Variants in PDZRN4 observed in about 807,000 individuals in gnomAD.
The protein encoded by PDZRN4 is PDZ domain-containing RING finger protein 4.
In PDZRN4, 70 loss-of-function variants were observed where a neutral mutation model predicts 99.0. The ratio of observed to expected loss-of-function variants is 0.71; its 90% CI spans 0.58 to 0.86. PDZRN4 has a LOEUF of 0.86. PDZRN4 is among the 40% of genes least tolerant of loss of function. The pLI, the probability that PDZRN4 is intolerant of heterozygous loss-of-function variation, is 0.00. For missense variants in PDZRN4, 1,474 were observed against 1,331.2 expected (o/e 1.11, Z -1.67); for synonymous variants, 551 against 501.6 (o/e 1.10, Z -1.32).
chr12:41,213,289 G>A (rs957171964), intron 3 of PDZRN4, among the ~76,000 whole-genome samples: 2 of 152,076 alleles, frequency 1.3e-5, no homozygotes, highest in African/African-American at 4.8e-5. Context: ...TAGTCAGCCA[G>A]TGCAGTAGTT....
chr12:41,514,795 T>C (rs554332511), intron 5 of PDZRN4, among the ~76,000 whole-genome samples: 9 of 152,192 alleles, frequency 5.9e-5, no homozygotes, highest in African/African-American at 2.2e-4. Flanking sequence ...CCAGCAGGTA[T>C]TTGTTCTTGG....
intron 3 of PDZRN4, among the ~76,000 whole-genome samples, chr12:41,466,795 G>C (rs1369228985): frequency 2.7e-5 from 1 of 37,288 alleles, no homozygotes; most frequent in African/African-American, 1.2e-4. Context: ...CTTTTGCTTT[G>C]TTTCCAGATG....
chr12:41,312,266 GAAA>G (rs200590034), intron 3 of PDZRN4, among the ~76,000 whole-genome samples: 1 of 143,644 alleles, frequency 7.0e-6, no homozygotes, highest in African/African-American at 2.5e-5. Flanking sequence ...TTATGGGGAA[GAAA>G]AAAAAAAACA....
chr12:41,310,010 G>T (rs1951596169), intron 3 of PDZRN4, among the ~76,000 whole-genome samples: 1 of 151,876 alleles, frequency 6.6e-6, no homozygotes, highest in Non-Finnish European at 1.5e-5. Context: ...TCAGCTCACT[G>T]CAACCTCTGT....
intron 5 of PDZRN4, among the ~76,000 whole-genome samples, chr12:41,528,351 T>C (rs1938605465): frequency 6.6e-6 from 1 of 152,212 alleles, no homozygotes; most frequent in African/African-American, 2.4e-5. Context: ...CTCCAGGGCT[T>C]ATGTGAAGTC....
At chr12:41,571,706 C>A (rs968119948) in intron 9 of PDZRN4, among the ~76,000 whole-genome samples, 1 of 152,106 alleles carries the variant, frequency 6.6e-6, no homozygotes, top group African/African-American at 2.4e-5. Flanking sequence ...ATAAGAAATT[C>A]TGGCACTGGA....
intron 3 of PDZRN4, among the ~76,000 whole-genome samples, chr12:41,378,290 GT>G (rs760199217): frequency 1.3e-5 from 2 of 152,012 alleles, no homozygotes; most frequent in Non-Finnish European, 2.9e-5. Flanking sequence ...TTATTGACTT[GT>G]TTATGCTGAA....
intron 3 of PDZRN4, among the ~76,000 whole-genome samples, chr12:41,344,379 A>C (rs539197648): frequency 1.3e-5 from 2 of 152,054 alleles, no homozygotes; most frequent in East Asian, 3.9e-4. Context: ...AACTGATTTC[A>C]TTGTGCCTCA....
At chr12:41,324,374 T>C (rs1951697521) in intron 3 of PDZRN4, among the ~76,000 whole-genome samples, 2 of 152,148 alleles carry the variant, frequency 1.3e-5, no homozygotes, top group South Asian at 4.1e-4. Context: ...GTTCAGCTTG[T>C]TGAGCTATTG....
At chr12:41,502,726 T>C (rs1565600103) in intron 3 of PDZRN4, among the ~76,000 whole-genome samples, 1 of 151,746 alleles carries the variant, frequency 6.6e-6, no homozygotes, top group Non-Finnish European at 1.5e-5. Context: ...CTATATGTCA[T>C]CCGTACAAGA....
chr12:41,249,972 A>G (rs1951157491), intron 3 of PDZRN4, among the ~76,000 whole-genome samples: 1 of 152,206 alleles, frequency 6.6e-6, no homozygotes, highest in Non-Finnish European at 1.5e-5. Flanking sequence ...TTCTCCAGGA[A>G]GCATAGTCGT....
intron 3 of PDZRN4, among the ~76,000 whole-genome samples, chr12:41,361,707 G>A (rs948795401): frequency 6.6e-6 from 1 of 152,044 alleles, no homozygotes; most frequent in Admixed American, 6.6e-5. Flanking sequence ...GTCAGATAAA[G>A]GTGAAGCTTT....
At chr12:41,458,483 A>G (rs1486869047) in intron 3 of PDZRN4, among the ~76,000 whole-genome samples, 2 of 152,214 alleles carry the variant, frequency 1.3e-5, no homozygotes, top group Non-Finnish European at 2.9e-5. Context: ...GGTAGTTAGA[A>G]ATCTTCAAAT....
chr12:41,351,940 T>G (rs1951892844), intron 3 of PDZRN4, among the ~76,000 whole-genome samples: 1 of 149,070 alleles, frequency 6.7e-6, no homozygotes, highest in Non-Finnish European at 1.5e-5. Context: ...AGCTCAGGAG[T>G]GTGAGATCAG....
intron 3 of PDZRN4, among the ~76,000 whole-genome samples, chr12:41,475,682 A>G (rs1953035650): frequency 6.6e-6 from 1 of 152,228 alleles, no homozygotes; most frequent in African/African-American, 2.4e-5. Flanking sequence ...GCATAATATT[A>G]GCGCTCAAAT....
At chr12:41,195,543 C>T (rs1950765371) in intron 3 of PDZRN4, among the ~76,000 whole-genome samples, 1 of 151,448 alleles carries the variant, frequency 6.6e-6, no homozygotes, top group African/African-American at 2.4e-5. Context: ...GAAAAAAGAA[C>T]ACAACATTTA....
intron 3 of PDZRN4, among the ~76,000 whole-genome samples, chr12:41,364,581 C>T (rs920893099): frequency 2.0e-5 from 3 of 152,076 alleles, no homozygotes; most frequent in African/African-American, 4.8e-5. Context: ...TTTTGAGCAT[C>T]TCTAACAGCT....
intron 3 of PDZRN4, among the ~76,000 whole-genome samples, chr12:41,388,571 G>C (rs537106427): frequency 1.9e-4 from 29 of 152,138 alleles, no homozygotes; most frequent in African/African-American, 2.7e-4. Context: ...AGAATAGACT[G>C]TAAGGAACCA....
At chr12:41,431,188 A>G (rs1313223167) in intron 3 of PDZRN4, among the ~76,000 whole-genome samples, 4 of 152,208 alleles carry the variant, frequency 2.6e-5, no homozygotes, top group Non-Finnish European at 4.4e-5. Context: ...AGTCATCATT[A>G]TCATTATACT....
Sources: allele counts gnomAD v4.1 joint callset (sites outside exome capture counted in the v4.1 genomes callset), GRCh38; gene constraint gnomAD v4.1.1; transcripts MANE v1.5; gene names NCBI Gene and HGNC (gene_info 2026-07-23, HGNC 2026-07-21).